The following EYS variants were observed in gnomAD, a reference collection of about 807,000 sequenced individuals.
The protein encoded by EYS is protein eyes shut homolog.
A neutral mutation model predicts 282.1 loss-of-function variants in EYS; 250 were observed. The ratio of observed to expected loss-of-function variants is 0.89; its 90% CI spans 0.80 to 0.98. The LOEUF is 0.98. Ranked by LOEUF, EYS falls within the 50% of genes least tolerant of loss-of-function variation. The pLI is 0.00. For synonymous variants in EYS, 1,355 were observed against 1,282.9 expected, an observed-to-expected ratio of 1.06 and a Z score of -1.20; for missense variants, 4,016 against 3,709.0, an observed-to-expected ratio of 1.08 and a Z score of -2.15.
intron 35 of EYS, among the ~76,000 whole-genome samples, chr6:63,883,635 C>T (rs550615506): frequency 1.3e-5 from 2 of 152,362 alleles, no homozygotes; most frequent in Admixed American, 6.5e-5. Flanking sequence ...CCCTGTCTTC[C>T]TGTCCCGAGT....
At chr6:63,826,955 GA>G (rs1771486033) in intron 36 of EYS, among the ~76,000 whole-genome samples, 1 of 150,028 alleles carries the variant, frequency 6.7e-6, no homozygotes, top group Non-Finnish European at 1.5e-5. Flanking sequence ...GAATGTAAAT[GA>G]CCTAAATTCT....
intron 15 of EYS, among the ~76,000 whole-genome samples, chr6:64,940,770 A>C (rs1441050469): frequency 1.3e-5 from 2 of 152,020 alleles, no homozygotes; most frequent in Non-Finnish European, 2.9e-5. Context: ...TAATAAAGCA[A>C]ACTGCCTACT....
intron 28 of EYS, among the ~76,000 whole-genome samples, chr6:64,434,231 T>G (rs1322736082): frequency 6.6e-6 from 1 of 152,030 alleles, no homozygotes; most frequent in Admixed American, 6.6e-5. Context: ...TCAAACCTGT[T>G]GTCATTTTGA....
chr6:65,560,802 A>C (rs1769025114), intron 2 of EYS, among the ~76,000 whole-genome samples: 1 of 152,120 alleles, frequency 6.6e-6, no homozygotes, highest in African/African-American at 2.4e-5. Context: ...ATTATTATAT[A>C]TACTGGTCCC....
At chr6:63,885,723 C>T (rs1372152916) in intron 35 of EYS, among the ~76,000 whole-genome samples, 5 of 152,064 alleles carry the variant, frequency 3.3e-5, no homozygotes, top group African/African-American at 1.2e-4. Context: ...GAGTGAGTTC[C>T]TAGATTAGAG....
At chr6:63,973,555 C>A (rs1232833642) in intron 35 of EYS, among the ~76,000 whole-genome samples, 3 of 151,970 alleles carry the variant, frequency 2.0e-5, no homozygotes, top group Non-Finnish European at 4.4e-5. Context: ...ATTTATACTC[C>A]ATTTTATCAT....
At chr6:65,351,770 G>A (rs1411977443) in intron 9 of EYS, among the ~76,000 whole-genome samples, 1 of 151,750 alleles carries the variant, frequency 6.6e-6, no homozygotes, top group African/African-American at 2.4e-5. Context: ...CTGAAAGCAT[G>A]TAGGGAACCT....
intron 31 of EYS, among the ~76,000 whole-genome samples, chr6:64,112,953 C>T (rs888552200): frequency 1.3e-5 from 2 of 151,448 alleles, no homozygotes; most frequent in Non-Finnish European, 2.9e-5. Context: ...GCACTGGCAT[C>T]GTGAAAATGA....
At chr6:63,912,105 G>A (rs2149738331) in intron 35 of EYS, among the ~76,000 whole-genome samples, 1 of 152,320 alleles carries the variant, frequency 6.6e-6, no homozygotes, top group Non-Finnish European at 1.5e-5. Flanking sequence ...CTCGGGATTT[G>A]CAAAGTTGTA....
chr6:63,736,980 A>C (rs1768930840), intron 41 of EYS, among the ~76,000 whole-genome samples: 1 of 151,962 alleles, frequency 6.6e-6, no homozygotes, highest in Non-Finnish European at 1.5e-5. Flanking sequence ...GCTTAAGGAG[A>C]TTTTGGGCTG....
intron 13 of EYS, among the ~76,000 whole-genome samples, chr6:65,053,539 CA>C (rs1171150421): frequency 6.6e-6 from 1 of 151,582 alleles, no homozygotes; most frequent in East Asian, 1.9e-4. Flanking sequence ...ATCTAATAGA[CA>C]AAACTTGGAC....
intron 11 of EYS, among the ~76,000 whole-genome samples, chr6:65,314,095 T>C (rs1407083049): frequency 6.6e-6 from 1 of 150,704 alleles, no homozygotes; most frequent in Non-Finnish European, 1.5e-5. Flanking sequence ...GGATTGCTCT[T>C]CCTTCAGGTG....
chr6:64,511,825 G>A (rs946768517), intron 26 of EYS, among the ~76,000 whole-genome samples: 2 of 137,058 alleles, frequency 1.5e-5, no homozygotes, highest in Non-Finnish European at 3.3e-5. Flanking sequence ...TTTTGGGGGG[G>A]GGTGTTAAAA....
chr6:64,029,589 C>A (rs150423713), intron 33 of EYS, among the ~76,000 whole-genome samples: 3 of 152,330 alleles, frequency 2.0e-5, no homozygotes, highest in African/African-American at 7.2e-5. Flanking sequence ...TGACTGCCAA[C>A]AAATTATAGT....
At chr6:64,067,524 C>G (rs1771416658) in intron 32 of EYS, among the ~76,000 whole-genome samples, 1 of 152,104 alleles carries the variant, frequency 6.6e-6, no homozygotes, top group African/African-American at 2.4e-5. Flanking sequence ...CCCTTTATGA[C>G]AGTCCCAAAA....
At chr6:64,518,779 G>C (rs1480972085) in intron 26 of EYS, among the ~76,000 whole-genome samples, 1 of 146,818 alleles carries the variant, frequency 6.8e-6, no homozygotes, top group Non-Finnish European at 1.5e-5. Flanking sequence ...GTTTATAAGG[G>C]GCCCCCCCCT....
chr6:64,861,373 A>C (rs1766232048), intron 19 of EYS, among the ~76,000 whole-genome samples: 1 of 152,228 alleles, frequency 6.6e-6, no homozygotes. Context: ...AACAGGAAGA[A>C]GCCAGGCAGC....
chr6:64,483,904 A>G (rs943003743), intron 26 of EYS, among the ~76,000 whole-genome samples: 15 of 151,716 alleles, frequency 9.9e-5, no homozygotes, highest in African/African-American at 3.4e-4. Flanking sequence ...TATTCATGAC[A>G]CATAGACATA....
intron 2 of EYS, among the ~76,000 whole-genome samples, chr6:65,575,326 C>A (rs1582474068): frequency 7.0e-6 from 1 of 142,028 alleles, no homozygotes; most frequent in South Asian, 2.3e-4. Flanking sequence ...GACTTCCTCT[C>A]TAAATAAATA....
Sources: allele counts gnomAD v4.1 joint callset (sites outside exome capture counted in the v4.1 genomes callset), GRCh38; gene constraint gnomAD v4.1.1; transcripts MANE v1.5; gene names NCBI Gene and HGNC (gene_info 2026-07-23, HGNC 2026-07-21).